The following EVA1C variants were observed in gnomAD, a reference collection of about 807,000 sequenced individuals.
The protein encoded by EVA1C is eva-1 homolog C, also known as protein eva-1 homolog C.
A neutral mutation model predicts 45.4 loss-of-function variants in EVA1C; 25 were observed. The observed-to-expected ratio is 0.55, with a 90% CI of 0.40 to 0.77. The LOEUF (loss-of-function observed/expected upper bound fraction) is 0.77, where lower values mean the gene tolerates loss of function less well. EVA1C is among the 30% of genes least tolerant of loss of function. The pLI, the probability that EVA1C is intolerant of heterozygous loss-of-function variation, is 0.00. For synonymous variants in EVA1C, 190 were observed against 221.2 expected (o/e 0.86, Z 1.25); for missense variants, 479 against 554.8 (o/e 0.86, Z 1.37).
chr21:32,423,193 G>A (rs2833802), intron 1 of EVA1C, among the ~76,000 whole-genome samples: 58,264 of 151,574 alleles, frequency 0.38, 11,814 homozygotes, highest in African/African-American at 0.52. Flanking sequence ...GTATTGAGAG[G>A]GATGTTCTGT....
chr21:32,462,679 G>A (rs1016110957), intron 3 of EVA1C, among the ~76,000 whole-genome samples: 5 of 152,152 alleles, frequency 3.3e-5, no homozygotes, highest in African/African-American at 4.8e-5. Flanking sequence ...CTGGAATGAG[G>A]GCAAGGAACA....
At chr21:32,422,758 C>T (rs374184961) in intron 1 of EVA1C, among the ~76,000 whole-genome samples, 8 of 152,072 alleles carry the variant, frequency 5.3e-5, no homozygotes, top group South Asian at 2.1e-4. Flanking sequence ...ACAAATTTAC[C>T]GCTAATGAAT....
chr21:32,501,353 A>G, intron 5 of EVA1C, 62 bp from the exon 6 acceptor site: 2 of 1,392,068 alleles, frequency 1.4e-6, no homozygotes, highest in African/African-American at 1.4e-5. Context: ...TTAAAAATGT[A>G]TTAAGAGTCC....
At chr21:32,512,616 G>T (rs1321289228) in intron 7 of EVA1C, among the ~76,000 whole-genome samples, 1 of 152,158 alleles carries the variant, frequency 6.6e-6, no homozygotes, top group South Asian at 2.1e-4. Flanking sequence ...AGAGGCTTGA[G>T]CTGGATGGAA....
intron 4 of EVA1C, among the ~76,000 whole-genome samples, chr21:32,486,731 G>A (rs2146372346): frequency 6.6e-6 from 1 of 152,242 alleles, no homozygotes; most frequent in South Asian, 2.1e-4. Flanking sequence ...TATGTAGGTT[G>A]TAAAAGGAGA....
intron 4 of EVA1C, among the ~76,000 whole-genome samples, chr21:32,481,665 T>C (rs769080974): frequency 7.9e-5 from 12 of 152,186 alleles, no homozygotes; most frequent in Non-Finnish European, 1.6e-4. Context: ...TCAAAAACTG[T>C]CTTCTATTTA....
chr21:32,430,103 G>T (rs2833819), intron 1 of EVA1C, among the ~76,000 whole-genome samples: 54,445 of 151,806 alleles, frequency 0.36, 9,972 homozygotes, highest in East Asian at 0.44. Context: ...GGAGCTTGGG[G>T]CCTTGTTTAG....
chr21:32,421,341 A>G (rs1555848932), intron 1 of EVA1C, among the ~76,000 whole-genome samples: 1 of 152,174 alleles, frequency 6.6e-6, no homozygotes, highest in Non-Finnish European at 1.5e-5. Context: ...AGACCTCTAT[A>G]TAAAGCCAGG....
chr21:32,449,905 G>A (rs2035515868), intron 1 of EVA1C, among the ~76,000 whole-genome samples: 1 of 152,164 alleles, frequency 6.6e-6, no homozygotes, highest in Non-Finnish European at 1.5e-5. Flanking sequence ...TTATAGGTGT[G>A]AGCCACCACA....
intron 1 of EVA1C, among the ~76,000 whole-genome samples, chr21:32,426,816 AT>A (rs2034506049): frequency 6.6e-6 from 1 of 151,938 alleles, no homozygotes; most frequent in African/African-American, 2.4e-5. Flanking sequence ...TACTTAAAAT[AT>A]TTTTTTCCTT....
chr21:32,480,930 A>G (rs1438870171), intron 4 of EVA1C, among the ~76,000 whole-genome samples: 1 of 151,794 alleles, frequency 6.6e-6, no homozygotes, highest in African/African-American at 2.4e-5. Context: ...GCCACTGCAC[A>G]CCAGCCTGGG....
chr21:32,443,123 T>C (rs906351078), intron 1 of EVA1C, among the ~76,000 whole-genome samples: 2 of 152,142 alleles, frequency 1.3e-5, no homozygotes, highest in Non-Finnish European at 2.9e-5. Context: ...TACTGGTCTC[T>C]GAGCTGTCTA....
At chr21:32,472,660 G>A (rs369648874) in intron 4 of EVA1C, among the ~76,000 whole-genome samples, 1 of 151,912 alleles carries the variant, frequency 6.6e-6, no homozygotes, top group Non-Finnish European at 1.5e-5. Context: ...AAAAGGAAAA[G>A]TAATTAAAGA....
At chr21:32,488,164 C>A (rs748428036) in intron 4 of EVA1C, among the ~76,000 whole-genome samples, 1 of 152,170 alleles carries the variant, frequency 6.6e-6, no homozygotes, top group Non-Finnish European at 1.5e-5. Context: ...ACTTATACAA[C>A]TCAACTGTAA....
intron 4 of EVA1C, among the ~76,000 whole-genome samples, chr21:32,489,820 T>G (rs1180833373): frequency 6.7e-6 from 1 of 149,846 alleles, no homozygotes; most frequent in African/African-American, 2.5e-5. Context: ...TTCACCTCTT[T>G]GGTTAAATTT....
At chr21:32,443,146 G>T (rs1234691169) in intron 1 of EVA1C, among the ~76,000 whole-genome samples, 1 of 152,118 alleles carries the variant, frequency 6.6e-6, no homozygotes, top group Non-Finnish European at 1.5e-5. Flanking sequence ...TTACATCAAG[G>T]TGCTCAGAGC....
chr21:32,413,658 A>G (rs528025435), intron 1 of EVA1C, among the ~76,000 whole-genome samples: 3 of 152,344 alleles, frequency 2.0e-5, no homozygotes, highest in East Asian at 3.9e-4. Context: ...CTTTTTGGGA[A>G]TCGTGATCCA....
In EVA1C at chr21:32,471,691, C is replaced by T. The variant is rs181039526; in HGVS notation, c.634+3843C>T. Among the ~76,000 whole-genome samples, 864 of 150,062 alleles carry T rather than the reference C, an allele frequency of 5.8e-3. 5 individuals are homozygous for T. The highest frequency in any genetic ancestry group is 0.011 in the Middle Eastern group (3 of 278). ...TCCCCCAGGCTAGAGTGCAGCGGTG[C>T]GATCTCAGCTCACTGCAAGCTCTGC... is the stretch of plus-strand genomic sequence containing the variant. On this transcript the variant is annotated intron_variant, in intron 4 of 7. Transcript: ENST00000300255.
At chr21:32,441,984 G>T (rs992570180) in intron 1 of EVA1C, among the ~76,000 whole-genome samples, 1 of 152,144 alleles carries the variant, frequency 6.6e-6, no homozygotes, top group Non-Finnish European at 1.5e-5. Flanking sequence ...GTCACAAGGG[G>T]TCTCAAGGGC....
Sources: gnomAD v4.1 joint callset for allele counts (sites outside exome capture counted in the v4.1 genomes callset) on GRCh38, gnomAD v4.1.1 for gene constraint, MANE v1.5 for transcripts, NCBI Gene and HGNC (gene_info 2026-07-23, HGNC 2026-07-21) for gene names.